P2RY12: variants seen among roughly 807,000 people sequenced by gnomAD.
P2RY12 encodes the protein P2Y purinoceptor 12.
A neutral mutation model predicts 4.5 loss-of-function variants in P2RY12; 3 were observed. The observed-to-expected ratio is 0.67, with a 90% confidence interval of 0.31 to 1.74. P2RY12 has a LOEUF of 1.74. Ranked by LOEUF, P2RY12 falls within the 40% of genes most tolerant of loss-of-function variation. The probability of loss-of-function intolerance (pLI) is 0.09; values close to 1 mark genes in which losing one functional copy is unlikely to be tolerated. For synonymous variants in P2RY12, 148 were observed against 154.1 expected, an observed-to-expected ratio of 0.96 and a Z score of 0.29; for missense variants, 356 against 407.8, an observed-to-expected ratio of 0.87 and a Z score of 1.09.
intron 1 of P2RY12, chr3:151,368,379 G>T (rs956101447): frequency 2.7e-6 from 2 of 728,100 alleles, no homozygotes; most frequent in South Asian, 1.5e-5. Context: ...GGGTGATGAA[G>T]GGTGAGATGA....
chr3:151,340,418 C>T (rs1751664950), intron 2 of P2RY12, among the ~76,000 whole-genome samples, 178 bp downstream of exon 2: 2 of 152,084 alleles, frequency 1.3e-5, no homozygotes, highest in African/African-American at 4.8e-5. Context: ...GGCTAATTAA[C>T]AATTGTCTCT....
chr3:151,358,432 C>A (rs2150065766), intron 1 of P2RY12, among the ~76,000 whole-genome samples: 2 of 152,198 alleles, frequency 1.3e-5, no homozygotes, highest in Admixed American at 1.3e-4. Flanking sequence ...GCTAATAAAT[C>A]TCACAGATTT....
At chr3:151,368,235 C>T (rs1250914228) in intron 1 of P2RY12, 1 of 1,614,022 alleles carries the variant, frequency 6.2e-7, no homozygotes, top group Non-Finnish European at 8.5e-7. Context: ...AGGCCTGCTT[C>T]TTACCTCAAG....
At chr3:151,354,484 G>A (rs1268507624) in intron 1 of P2RY12, among the ~76,000 whole-genome samples, 6 of 152,098 alleles carry the variant, frequency 3.9e-5, no homozygotes, top group African/African-American at 1.4e-4. Flanking sequence ...ATATTAAACT[G>A]TGTCAGAAAA....
chr3:151,348,998 G>C (rs1440359085), intron 1 of P2RY12, among the ~76,000 whole-genome samples: 1 of 152,254 alleles, frequency 6.6e-6, no homozygotes, highest in East Asian at 1.9e-4. Flanking sequence ...GATGGATGCT[G>C]TTGGGAAGGG....
At chr3:151,355,762 A>G in intron 1 of P2RY12, 1 of 663,040 alleles carries the variant, frequency 1.5e-6, no homozygotes, top group Non-Finnish European at 2.4e-6. Context: ...TAGTTTCTAT[A>G]GAAACACGTT....
chr3:151,379,972 A>G (rs1711957986), intron 1 of P2RY12: 1 of 545,800 alleles, frequency 1.8e-6, no homozygotes, highest in East Asian at 3.3e-5. Context: ...AAGTAGAGGT[A>G]TGATTTAAAT....
chr3:151,350,973 G>C (rs868347213), intron 1 of P2RY12, among the ~76,000 whole-genome samples: 1 of 152,126 alleles, frequency 6.6e-6, no homozygotes, highest in South Asian at 2.1e-4. Flanking sequence ...TAGGTATCCT[G>C]CTACCACCAC....
chr3:151,368,636 TTTCATTTC>T (rs1755658326), intron 1 of P2RY12, among the ~76,000 whole-genome samples: 16 of 63,070 alleles, frequency 2.5e-4, no homozygotes, highest in African/African-American at 9.2e-4. Context: ...TTTTATTTCA[TTTCATTTC>T]ATTTCATTTC....
intron 1 of P2RY12, among the ~76,000 whole-genome samples, chr3:151,363,647 G>A (rs1476547646): frequency 2.0e-5 from 3 of 152,194 alleles, no homozygotes; most frequent in South Asian, 2.1e-4. Flanking sequence ...CACAGAAAGA[G>A]AGTGTAGAAG....
chr3:151,338,490 G>A lies in P2RY12; in HGVS notation c.356C>T (p.Thr119Ile). The A allele has an allele frequency of 6.2e-7, 1 of 1,613,900 alleles. No individual in the cohort carries two copies. The highest frequency in any genetic ancestry group is 8.5e-7 in the Non-Finnish European group (1 of 1,179,982). ...YISISFLGLI[T>I]IDRYQKTTRP... The stretch of plus-strand genomic sequence containing the variant: ...GGTGGTCTTCTGGTAGCGATCGATA[G>A]TTATCAGTCCCAGGAATGAAATACT... Residue 119 changes from threonine to isoleucine, a missense_variant, in exon 3 of 3, where the codon ACT becomes ATT. By Grantham distance (89) the Thr-to-Ile change is moderately conservative. Coordinates refer to ENST00000302632, the MANE Select transcript of P2RY12 (RefSeq NM_022788.5).
Position 151,373,829 on chromosome 3 carries a change from A to G in P2RY12, c.-180+10863T>C, listed in dbSNP as rs112079549. ...TTTCTCTGCCCCGGGCCTGGAATCA[A>G]CTATTCCTCCAAGGAGCCCTTGGTT... On this transcript the variant is annotated intron_variant, in intron 1 of 2. Transcript: ENST00000302632. Among the ~76,000 whole-genome samples, 525 of 152,266 alleles carry G rather than the reference A, an allele frequency of 3.4e-3. 4 individuals are homozygous for G. The highest frequency in any genetic ancestry group is 0.012 in the African/African-American group (506 of 41,550).
At chr3:151,370,402 A>T (rs1222693324) in intron 1 of P2RY12, among the ~76,000 whole-genome samples, 1 of 152,158 alleles carries the variant, frequency 6.6e-6, no homozygotes, top group East Asian at 1.9e-4. Context: ...TTTGGGCTAT[A>T]ATCTTGCTCT....
At chr3:151,379,183 C>A (rs1241938615) in intron 1 of P2RY12, among the ~76,000 whole-genome samples, 1 of 152,196 alleles carries the variant, frequency 6.6e-6, no homozygotes, top group Non-Finnish European at 1.5e-5. Context: ...AACAAGGAAG[C>A]ATAATTCTAA....
chr3:151,383,697 A>C, intron 1 of P2RY12: 1 of 846,588 alleles, frequency 1.2e-6, no homozygotes, highest in Non-Finnish European at 1.9e-6. Context: ...ATAAAAAACA[A>C]TCAAAATTTG....
At chr3:151,384,426 T>G (rs1258944567) in intron 1 of P2RY12, among the ~76,000 whole-genome samples, 1 of 152,242 alleles carries the variant, frequency 6.6e-6, no homozygotes, top group Non-Finnish European at 1.5e-5. Context: ...ACAATTACAT[T>G]ATAAAACATG....
rs753409073 is a variant in P2RY12 at position 151,376,196 on chromosome 3, C to T, written c.-180+8496G>A. 7.6e-6 allele frequency: 12 copies of T among 1,587,766 alleles called. No individual in the cohort carries two copies. The South Asian group carries it at 1.0e-4, about 14-fold the overall frequency. On this transcript the variant is annotated intron_variant, in intron 1 of 2. Coordinates refer to ENST00000302632, the MANE Select transcript of P2RY12 (RefSeq NM_022788.5). ...AGGGGGACAATCTGCAAAGACAGCACATTAAGCGTATTCTTCAGGTCAGTC... is the reference window on the plus strand; with the variant it reads ...AGGGGGACAATCTGCAAAGACAGCATATTAAGCGTATTCTTCAGGTCAGTC...
At chr3:151,360,330 T>C (rs1294542776) in intron 1 of P2RY12, 2 of 694,026 alleles carry the variant, frequency 2.9e-6, no homozygotes, top group Middle Eastern at 2.7e-4. Context: ...TGTACTGAGT[T>C]ATTTACTATT....
chr3:151,374,190 G>A (rs9864790), intron 1 of P2RY12, among the ~76,000 whole-genome samples: 17,265 of 151,576 alleles, frequency 0.11, 1,294 homozygotes, highest in Middle Eastern at 0.18. Flanking sequence ...ACACATGGCC[G>A]GGCATGTTAA....
Sources: allele counts gnomAD v4.1 joint callset (sites outside exome capture counted in the v4.1 genomes callset), GRCh38; gene constraint gnomAD v4.1.1; transcripts MANE v1.5; gene names NCBI Gene and HGNC (gene_info 2026-07-23, HGNC 2026-07-21).